Variants in AGBL1 observed in about 807,000 individuals in gnomAD.
AGBL1 encodes the protein cytosolic carboxypeptidase 4.
AGBL1 carries 130 observed loss-of-function variants against 118.9 expected under a neutral mutation model. The observed-to-expected ratio is 1.09, with a 90% CI of 0.95 to 1.26. The LOEUF (loss-of-function observed/expected upper bound fraction) is 1.26. AGBL1 is among the 50% of genes most tolerant of loss of function. The probability of loss-of-function intolerance (pLI) is 0.00; values close to 1 mark genes in which losing one functional copy is unlikely to be tolerated. For synonymous variants in AGBL1, 555 were observed against 478.9 expected (o/e 1.16, Z -2.08); for missense variants, 1,584 against 1,298.1 (o/e 1.22, Z -3.38).
chr15:86,980,737 TTC>T (rs1303758687), intron 23 of AGBL1, among the ~76,000 whole-genome samples: 1 of 152,148 alleles, frequency 6.6e-6, no homozygotes, highest in Non-Finnish European at 1.5e-5. Context: ...AAATATTGAG[TTC>T]TCATTCGTTT....
chr15:86,406,323 A>T (rs2081529835), intron 18 of AGBL1, among the ~76,000 whole-genome samples: 1 of 152,232 alleles, frequency 6.6e-6, no homozygotes, highest in South Asian at 2.1e-4. Flanking sequence ...AGTGAAAATA[A>T]GTGCAAAGTA....
At chr15:86,661,440 G>A (rs1019460759) in intron 21 of AGBL1, among the ~76,000 whole-genome samples, 1 of 151,866 alleles carries the variant, frequency 6.6e-6, no homozygotes, top group African/African-American at 2.4e-5. Flanking sequence ...GCCATTAAAT[G>A]AATGAATGAA....
At chr15:87,007,385 T>G (rs1243336341) in intron 24 of AGBL1, among the ~76,000 whole-genome samples, 1 of 152,210 alleles carries the variant, frequency 6.6e-6, no homozygotes, top group Non-Finnish European at 1.5e-5. Flanking sequence ...TTAGCTAAAC[T>G]ATTTCCTCAA....
chr15:86,930,274 A>G (rs1175063138), intron 23 of AGBL1, among the ~76,000 whole-genome samples: 7 of 152,200 alleles, frequency 4.6e-5, no homozygotes, highest in Admixed American at 4.6e-4. Flanking sequence ...GAGTGAAAAT[A>G]AAAATCCTGT....
At chr15:86,194,825 G>T (rs1416972966) in intron 5 of AGBL1, among the ~76,000 whole-genome samples, 1 of 152,138 alleles carries the variant, frequency 6.6e-6, no homozygotes, top group Non-Finnish European at 1.5e-5. Context: ...CATCAAACTA[G>T]ACCTGAATAA....
chr15:86,757,973 C>A (rs1316440971), intron 22 of AGBL1, among the ~76,000 whole-genome samples: 2 of 152,122 alleles, frequency 1.3e-5, no homozygotes, highest in African/African-American at 4.8e-5. Flanking sequence ...AAGAGAATAG[C>A]AATTCCTCCT....
intron 18 of AGBL1, among the ~76,000 whole-genome samples, chr15:86,414,027 A>G (rs561363130): frequency 1.9e-4 from 29 of 152,216 alleles, no homozygotes; most frequent in Non-Finnish European, 3.7e-4. Context: ...TTGCTGCAAC[A>G]TTAATGGAAC....
intron 22 of AGBL1, among the ~76,000 whole-genome samples, chr15:86,753,122 G>T (rs1223620503): frequency 6.6e-6 from 1 of 152,132 alleles, no homozygotes; most frequent in East Asian, 1.9e-4. Context: ...TAAAAACAGA[G>T]ACAAACGCAT....
At position 86,123,768 on chromosome 15, in the gene AGBL1, C is replaced by T. The variant is rs146993031; in HGVS notation, c.52-18236C>T. On this transcript the variant is annotated intron_variant, in intron 1 of 22. Coordinates refer to ENST00000614907, the MANE Select transcript of AGBL1 (RefSeq NM_001386094.1). Reference sequence around the variant, plus strand: ...GTATAAAACCAAGCTGTAGCCTGACCACCTTGAGCACATGTTCTCAGGATC... The same window carrying T: ...GTATAAAACCAAGCTGTAGCCTGACTACCTTGAGCACATGTTCTCAGGATC... Among the ~76,000 whole-genome samples the T allele has an allele frequency of 4.5e-4, 69 of 152,302 alleles. 1 individual carries two copies. In the East Asian group the frequency reaches 0.012, roughly 26 times the overall value.
chr15:86,537,107 C>T (rs79658680), intron 19 of AGBL1, among the ~76,000 whole-genome samples: 2,765 of 152,262 alleles, frequency 0.018, 38 homozygotes, highest in Non-Finnish European at 0.026. Context: ...AACTCAGAAA[C>T]AGAGGCAAAA....
chr15:86,672,151 G>C (rs1443566141), intron 21 of AGBL1, among the ~76,000 whole-genome samples: 1 of 152,112 alleles, frequency 6.6e-6, no homozygotes, highest in East Asian at 1.9e-4. Context: ...AGTAAAGAGA[G>C]ATTAATATCA....
chr15:86,501,659 A>G (rs1227956392), intron 18 of AGBL1, among the ~76,000 whole-genome samples: 2 of 151,472 alleles, frequency 1.3e-5, no homozygotes, highest in Non-Finnish European at 3.0e-5. Flanking sequence ...GTACTGTTTT[A>G]TGTATGGATA....
intron 22 of AGBL1, among the ~76,000 whole-genome samples, chr15:86,866,736 C>T (rs2347451): frequency 0.059 from 8,964 of 152,204 alleles, 514 homozygotes; most frequent in East Asian, 0.31. Flanking sequence ...TGCCTGTAGT[C>T]CCAGCTACTC....
intron 22 of AGBL1, among the ~76,000 whole-genome samples, chr15:86,861,746 C>T (rs1355775105): frequency 3.3e-5 from 5 of 152,116 alleles, no homozygotes; most frequent in Admixed American, 2.0e-4. Context: ...CTCAGTATGC[C>T]ACCCATACTC....
At chr15:86,117,867 T>C (rs4887181) in intron 1 of AGBL1, among the ~76,000 whole-genome samples, 15,522 of 152,208 alleles carry the variant, frequency 0.1, 1,006 homozygotes, top group East Asian at 0.25. Flanking sequence ...GATTTGGTGA[T>C]TTGGATTGGT....
upstream of AGBL1, chr15:86,079,847 C>A: frequency 1.8e-6 from 1 of 562,238 alleles, no homozygotes; most frequent in Non-Finnish European, 2.7e-6. Context: ...CACTCAGCAG[C>A]ATGTGCAGCT....
At chr15:86,495,655 A>T (rs1478238210) in intron 18 of AGBL1, among the ~76,000 whole-genome samples, 1 of 151,972 alleles carries the variant, frequency 6.6e-6, no homozygotes, top group Non-Finnish European at 1.5e-5. Context: ...TTCCATTTTG[A>T]TTAAACAACC....
At chr15:86,419,252 G>A (rs553831743) in intron 18 of AGBL1, among the ~76,000 whole-genome samples, 7 of 152,032 alleles carry the variant, frequency 4.6e-5, no homozygotes, top group South Asian at 2.1e-4. Flanking sequence ...ATTTCCAACC[G>A]AGGTACCTAG....
At chr15:86,840,196 G>T (rs1302226051) in intron 22 of AGBL1, among the ~76,000 whole-genome samples, 3 of 152,164 alleles carry the variant, frequency 2.0e-5, no homozygotes, top group Admixed American at 6.5e-5. Context: ...ATAGGGTACA[G>T]AATTTTGGTT....
Sources: gnomAD v4.1 joint callset for allele counts (sites outside exome capture counted in the v4.1 genomes callset) on GRCh38, gnomAD v4.1.1 for gene constraint, MANE v1.5 for transcripts, NCBI Gene and HGNC (gene_info 2026-07-23, HGNC 2026-07-21) for gene names.